Variants in HSPA4 observed in about 807,000 individuals in gnomAD.
HSPA4 encodes the protein heat shock 70 kDa protein 4.
A neutral mutation model predicts 106.2 loss-of-function variants in HSPA4; 25 were observed. The ratio of observed to expected loss-of-function variants is 0.24; its 90% CI spans 0.17 to 0.33. HSPA4 has a LOEUF of 0.33. HSPA4 is among the 10% of genes least tolerant of loss of function. The pLI is 1.00. For synonymous variants in HSPA4, 332 were observed against 333.6 expected, an observed-to-expected ratio of 1.00 and a Z score of 0.05; for missense variants, 841 against 996.0, an observed-to-expected ratio of 0.84 and a Z score of 2.10.
chr5:133,071,009 G>C (rs1235603499), intron 4 of HSPA4, among the ~76,000 whole-genome samples: 1 of 152,048 alleles, frequency 6.6e-6, no homozygotes, highest in Non-Finnish European at 1.5e-5. Context: ...AATCTCTTCT[G>C]TTTTTCAAGG....
At chr5:133,073,096 T>C (rs1437544312) in intron 4 of HSPA4, 134 bp from the exon 5 acceptor site, 10 of 587,110 alleles carry the variant, frequency 1.7e-5, no homozygotes, top group Admixed American at 6.5e-5. Flanking sequence ...TATTCTAACT[T>C]TTCCCTACTA....
chr5:133,085,489 T>TTAAAAAAAAAAA (rs1554089513), intron 7 of HSPA4, among the ~76,000 whole-genome samples: 1 of 110,272 alleles, frequency 9.1e-6, no homozygotes, highest in African/African-American at 5.0e-5. Flanking sequence ...CCATCTCTAC[T>TTAAAAAAAAAAA]AAAAAAAAAA....
At chr5:133,098,744 C>T (rs571858978) in intron 15 of HSPA4, among the ~76,000 whole-genome samples, 1 of 152,026 alleles carries the variant, frequency 6.6e-6, no homozygotes, top group South Asian at 2.1e-4. Context: ...ACGATCTTGG[C>T]TCACTGCAAC....
At chr5:133,055,968 C>G (rs935165675) in intron 1 of HSPA4, among the ~76,000 whole-genome samples, 1 of 152,116 alleles carries the variant, frequency 6.6e-6, no homozygotes. Context: ...GTCCCAGCTA[C>G]TCTGGAGGCT....
chr5:133,097,283 A>G lies in HSPA4; in HGVS notation c.1926A>G (p.Glu642=), dbSNP rs1427396859. The G allele has an allele frequency of 1.2e-6, 2 of 1,612,436 alleles. No individual in the cohort carries two copies. Among genetic ancestry groups the G allele is most frequent in the East Asian group, 2.2e-5 (1 of 44,784 alleles). ...LSGEYEKFVS[E]DDRNSFTLKL... is the part of the protein sequence containing the mutation. ...GTGAATATGAGAAGTTTGTGAGTGA[A>G]GATGTAAGTCTGCCACAATATGCCT... The change falls in exon 15 of 19, where the codon GAA becomes GAG. Residue 642 remains glutamate, a synonymous_variant. Coordinates refer to ENST00000304858, the MANE Select transcript of HSPA4 (RefSeq NM_002154.4).
chr5:133,062,095 TTG>T (rs1248965614), intron 1 of HSPA4, among the ~76,000 whole-genome samples: 1 of 152,164 alleles, frequency 6.6e-6, no homozygotes, highest in South Asian at 2.1e-4. Context: ...CTTGTGTTGA[TTG>T]TGTGGATGAA....
At chr5:133,052,929 T>A (rs1201457740) in intron 1 of HSPA4, 2 of 152,472 alleles carry the variant, frequency 1.3e-5, no homozygotes, top group African/African-American at 4.8e-5. Context: ...TGAGATTGGG[T>A]TGGCACGGAT....
chr5:133,068,974 A>G (rs1478598367), intron 3 of HSPA4, among the ~76,000 whole-genome samples: 6 of 152,212 alleles, frequency 3.9e-5, no homozygotes, highest in Admixed American at 6.5e-5. Context: ...TTATCATGCA[A>G]TAAAGTAAGA....
chr5:133,076,573 A>G, intron 6 of HSPA4, 81 bp from the exon 7 acceptor site: 2 of 1,270,316 alleles, frequency 1.6e-6, no homozygotes, highest in Non-Finnish European at 1.1e-6. Context: ...TTTTAGATAA[A>G]CAACTTACCA....
rs1193413361 is a variant in HSPA4 at position 133,106,145 on chromosome 5, T to G, written c.*1709T>G. 1.0e-5 allele frequency: 1 copy of G among 99,290 alleles called. No individual in the cohort carries two copies. The highest frequency in any genetic ancestry group is 1.9e-5 in the Non-Finnish European group (1 of 52,358). The allele number at this position is 99,290 out of a possible 1,614,324, so 6.2% of individuals were successfully genotyped here. A position where few individuals can be genotyped will look rare whatever the true frequency, so the allele number is the denominator to read the frequency against. ...TTTTTTTTTTTTTTTTTTTTTGGTGTGTGTGTGTGTGTGTGTGGGGAAGGG... is the reference window on the plus strand; with the variant it reads ...TTTTTTTTTTTTTTTTTTTTTGGTGGGTGTGTGTGTGTGTGTGGGGAAGGG... On this transcript the variant is annotated 3_prime_UTR_variant, in exon 19 of 19. Coordinates refer to ENST00000304858, the MANE Select transcript of HSPA4 (RefSeq NM_002154.4).
At chr5:133,093,400 C>T (rs568591403) in intron 13 of HSPA4, among the ~76,000 whole-genome samples, 1 of 152,260 alleles carries the variant, frequency 6.6e-6, no homozygotes, top group African/African-American at 2.4e-5. Flanking sequence ...TATACTAAGT[C>T]TTTCTACCCA....
In HSPA4 at chr5:133,104,373, G is replaced by C. The variant is rs372729901; in HGVS notation, c.2460G>C (p.Gln820His). 12 of 1,614,060 alleles carry C rather than the reference G, an allele frequency of 7.4e-6. No homozygotes were observed. The African/African-American group carries it at 8.0e-5, about 11-fold the overall frequency. ...ACCCAGGCCCCCAGGCTGCTGAGCA[G>C]GGTACAGACACAGCTGTGCCTTCGG... is the stretch of plus-strand genomic sequence containing the variant. ...GDNPGPQAAEQGTDTAVPSDS... is the reference protein window; with the variant it reads ...GDNPGPQAAEHGTDTAVPSDS... Residue 820 changes from glutamine (Q) to histidine (H), a missense_variant, in exon 19 of 19, where the codon CAG becomes CAC. Physicochemically the swap from Gln to His is conservative, Grantham distance 24. Transcript: ENST00000304858.
chr5:133,089,719 AAAAG>A (rs1765621325), intron 11 of HSPA4, 24 bp downstream of exon 11: 2 of 1,489,968 alleles, frequency 1.3e-6, no homozygotes, highest in Non-Finnish European at 1.8e-6. Context: ...TGGAAATTAA[AAAAG>A]AAAAAAAAAA....
chr5:133,099,857 T>G (rs1030940460), intron 16 of HSPA4, among the ~76,000 whole-genome samples: 8 of 152,284 alleles, frequency 5.3e-5, no homozygotes, highest in Non-Finnish European at 8.8e-5. Context: ...AAATTGACTT[T>G]AGGTTTGTAA....
At chr5:133,069,250 T>TA (rs1362149761) in intron 3 of HSPA4, among the ~76,000 whole-genome samples, 82 of 151,594 alleles carry the variant, frequency 5.4e-4, no homozygotes, top group Middle Eastern at 6.8e-3. Context: ...GTTACTTATT[T>TA]AAAATTTTTT....
chr5:133,076,965 T>C lies in HSPA4; in HGVS notation c.908+67T>C, dbSNP rs111590839. The C allele has an allele frequency of 5.7e-5, 74 of 1,302,700 alleles. No homozygotes were observed. In the African/African-American group the frequency reaches 7.1e-4, roughly 12 times the overall value. The allele number at this position is 1,302,700 out of a possible 1,614,324, so 80.7% of individuals were successfully genotyped here. ...TTTCTCCACATATATTAACCTTTAA[T>C]TGGCTAATTGTTAAAATAATCACGG... On this transcript the variant is annotated intron_variant, in intron 7 of 18. Transcript: ENST00000304858.
rs749668207 is a variant in HSPA4, at chr5:133,089,101, C to G, written c.1184C>G (p.Thr395Ser). The change falls in exon 10 of 19, where the codon ACT becomes AGT. Residue 395 changes from threonine to serine, a missense_variant. Transcript: ENST00000304858. The stretch of plus-strand genomic sequence containing the variant: ...TTCAAAGTCAGAGAATTTTCTATCA[C>G]TGATGTAGTACCATATCCAATATCT... ...PAFKVREFSI[T>S]DVVPYPISLR... 6.2e-7 allele frequency: 1 copy of G among 1,603,276 alleles called. No individual in the cohort carries two copies. The highest frequency in any genetic ancestry group is 8.5e-7 in the Non-Finnish European group (1 of 1,174,572).
intron 7 of HSPA4, among the ~76,000 whole-genome samples, chr5:133,080,555 T>C: frequency 6.6e-6 from 1 of 151,996 alleles, no homozygotes; most frequent in Non-Finnish European, 1.5e-5. Context: ...TTAAGTTTAA[T>C]TAAAATTTCT....
At chr5:133,077,107 T>G (rs755742444) in intron 7 of HSPA4, among the ~76,000 whole-genome samples, 1 of 152,234 alleles carries the variant, frequency 6.6e-6, no homozygotes. Flanking sequence ...TCTGATAAAT[T>G]GAATATTCCA....
Sources: gnomAD v4.1 joint callset for allele counts (sites outside exome capture counted in the v4.1 genomes callset) on GRCh38, gnomAD v4.1.1 for gene constraint, MANE v1.5 for transcripts, NCBI Gene and HGNC (gene_info 2026-07-23, HGNC 2026-07-21) for gene names.